The following GNPAT variants were observed in gnomAD, a reference collection of about 807,000 sequenced individuals.
GNPAT encodes glyceronephosphate O-acyltransferase, also known as dihydroxyacetone phosphate acyltransferase.
GNPAT carries 30 observed loss-of-function variants against 78.4 expected under a neutral mutation model. The ratio of observed to expected loss-of-function variants is 0.38; its 90% CI spans 0.29 to 0.52. The LOEUF (loss-of-function observed/expected upper bound fraction) is 0.52, where lower values mean the gene tolerates loss of function less well. GNPAT is among the 20% of genes least tolerant of loss of function. GNPAT has a pLI of 0.84. For synonymous variants in GNPAT, 271 were observed against 281.1 expected (o/e 0.96, Z 0.36); for missense variants, 714 against 812.2 (o/e 0.88, Z 1.47).
intron 2 of GNPAT, 134 bp from the exon 3 acceptor site, chr1:231,260,373 T>G: frequency 2.7e-6 from 2 of 727,588 alleles, no homozygotes; most frequent in Non-Finnish European, 4.9e-6. Context: ...TGGGAAGTTG[T>G]CAATTAAGAA....
chr1:231,259,529 C>G (rs1262331493), intron 2 of GNPAT, among the ~76,000 whole-genome samples: 2 of 151,956 alleles, frequency 1.3e-5, no homozygotes, highest in African/African-American at 4.8e-5. Context: ...TGCCTGTAAT[C>G]CCAGCTACTC....
chr1:231,257,987 C>T (rs929882946), intron 2 of GNPAT, among the ~76,000 whole-genome samples: 14 of 152,250 alleles, frequency 9.2e-5, no homozygotes, highest in Non-Finnish European at 1.3e-4. Context: ...TGTCATTACC[C>T]TTGTTTGGCT....
At position 231,272,293 on chromosome 1, in the gene GNPAT, A is replaced by G. The variant is rs1685590680; in HGVS notation, c.1523-19A>G. ...TTAAAGGGCAATGTTGTAATTTTAC[A>G]TGATGCATTTATTTCCAGAGGATGT... On this transcript the variant is annotated intron_variant, in intron 10 of 15. Coordinates refer to ENST00000366647, the MANE Select transcript of GNPAT (RefSeq NM_014236.4). 3 of 1,362,900 alleles carry G rather than the reference A, an allele frequency of 2.2e-6. No homozygotes were observed. Among genetic ancestry groups the G allele is most frequent in the Non-Finnish European group, 1.1e-6 (1 of 951,660 alleles). The allele number at this position is 1,362,900 out of a possible 1,614,324, so 84.4% of individuals were successfully genotyped here.
chr1:231,259,670 T>C (rs1685169083), intron 2 of GNPAT, among the ~76,000 whole-genome samples: 1 of 149,096 alleles, frequency 6.7e-6, no homozygotes, highest in Admixed American at 6.7e-5. Context: ...AAAAGGTTAA[T>C]TTTATAGTGT....
Position 231,262,748 on chromosome 1 carries a change from CTGT to C in GNPAT, c.469_471del (p.Val157del), listed in dbSNP as rs1558332498. ...CTACAAAGAGCCATCCAGGAGCATC[CTGT>C]TGTTCTGCTGCCTAGTCATCGAAGT... On this transcript the variant is annotated inframe_deletion, in exon 4 of 16. Transcript: ENST00000366647. 7 of 1,609,074 alleles carry C rather than the reference CTGT, an allele frequency of 4.4e-6. No homozygotes were observed. Among genetic ancestry groups the C allele is most frequent in the Non-Finnish European group, 5.1e-6 (6 of 1,175,438 alleles).
rs1685589042 is a variant in GNPAT at position 231,272,233 on chromosome 1, G to A, written c.1523-79G>A. ...AAAATATGCCTTTGAAATACATTTT[G>A]TGATAGTAAGGACTTCCTGGTACTC... On this transcript the variant is annotated intron_variant, in intron 10 of 15. Coordinates refer to ENST00000366647, the MANE Select transcript of GNPAT (RefSeq NM_014236.4). The A allele has an allele frequency of 5.2e-6, 4 of 769,994 alleles. No homozygotes were observed. In the East Asian group the frequency reaches 1.0e-4, roughly 20 times the overall value. The allele number at this position is 769,994 out of a possible 1,614,324, so 47.7% of individuals were successfully genotyped here.
At chr1:231,254,898 C>A (rs908669364) in intron 2 of GNPAT, among the ~76,000 whole-genome samples, 4 of 151,832 alleles carry the variant, frequency 2.6e-5, no homozygotes, top group African/African-American at 9.7e-5. Context: ...ATTACAGGCA[C>A]CCACCACTGC....
At chr1:231,260,189 C>T (rs149267926) in intron 2 of GNPAT, among the ~76,000 whole-genome samples, 7 of 152,276 alleles carry the variant, frequency 4.6e-5, no homozygotes, top group African/African-American at 1.4e-4. Context: ...TGCTAGGACA[C>T]TAGACCATGG....
intron 1 of GNPAT, among the ~76,000 whole-genome samples, chr1:231,249,437 T>C (rs1684833220): frequency 6.6e-6 from 1 of 152,246 alleles, no homozygotes; most frequent in South Asian, 2.1e-4. Context: ...TTTTCTTCTA[T>C]TACCTCAACA....
chr1:231,266,910 A>C (rs1571951329), intron 8 of GNPAT, among the ~76,000 whole-genome samples: 1 of 152,348 alleles, frequency 6.6e-6, no homozygotes, highest in South Asian at 2.1e-4. Flanking sequence ...AATTAGGAGA[A>C]ATATACCTGG....
intron 1 of GNPAT, among the ~76,000 whole-genome samples, chr1:231,246,561 G>A (rs760997870): frequency 2.0e-5 from 3 of 152,178 alleles, no homozygotes; most frequent in Admixed American, 6.5e-5. Flanking sequence ...AAGTAAGATG[G>A]GGGAGAGATA....
At position 231,267,717 on chromosome 1, in the gene GNPAT, T is replaced by G; in HGVS notation, c.1093T>G (p.Phe365Val). The G allele has an allele frequency of 6.2e-7, 1 of 1,610,312 alleles. No individual in the cohort carries two copies. The highest frequency in any genetic ancestry group is 8.5e-7 in the Non-Finnish European group (1 of 1,176,502). ...GAAACAGTCTGAGGACATGCATGCC[T>G]TTGTCACTGAAGTTGCCTACAAAAT... ...PQKQSEDMHA[F>V]VTEVAYKMEL... Residue 365 changes from phenylalanine (F) to valine (V), a missense_variant, in exon 9 of 16, where the codon TTT becomes GTT. Coordinates refer to ENST00000366647, the MANE Select transcript of GNPAT (RefSeq NM_014236.4).
intron 1 of GNPAT, among the ~76,000 whole-genome samples, chr1:231,242,316 G>C (rs969632524): frequency 6.6e-6 from 1 of 152,160 alleles, no homozygotes; most frequent in African/African-American, 2.4e-5. Context: ...GCATATCCTG[G>C]TGATTACTGT....
At position 231,251,056 on chromosome 1, in the gene GNPAT, T is replaced by A; in HGVS notation, c.174T>A (p.Leu58=). Residue 58 remains leucine, a synonymous_variant, in exon 2 of 16, where the codon CTT becomes CTA. Transcript: ENST00000366647. ...LKFAMKCYTP[L]VYKGITPCKP... is the part of the protein sequence containing the mutation. ...TTGCAATGAAATGCTACACACCTCT[T>A]GTCTATAAGGGAATTACTCCATGTA... 1 of 1,594,390 alleles carries A rather than the reference T, an allele frequency of 6.3e-7. No individual in the cohort carries two copies. Among genetic ancestry groups the A allele is most frequent in the East Asian group, 2.2e-5 (1 of 44,758 alleles).
intron 1 of GNPAT, among the ~76,000 whole-genome samples, chr1:231,243,359 C>G (rs1283767698): frequency 6.6e-6 from 1 of 152,166 alleles, no homozygotes; most frequent in Admixed American, 6.6e-5. Context: ...CAGCCTTGCT[C>G]TGTTGCCAGG....
At chr1:231,270,424 G>T (rs956323725) in intron 9 of GNPAT, among the ~76,000 whole-genome samples, 1 of 152,116 alleles carries the variant, frequency 6.6e-6, no homozygotes, top group African/African-American at 2.4e-5. Context: ...GTAACTTGCT[G>T]TTAGAAAACT....
At chr1:231,263,654 T>G (rs980777609) in intron 4 of GNPAT, among the ~76,000 whole-genome samples, 1 of 152,184 alleles carries the variant, frequency 6.6e-6, no homozygotes, top group South Asian at 2.1e-4. Context: ...TTTTTCATTT[T>G]TTGAGGAACC....
In GNPAT at chr1:231,273,933, A is replaced by C. The variant is rs776917898; in HGVS notation, c.1614A>C (p.Glu538Asp). 29 of 1,613,370 alleles carry C rather than the reference A, an allele frequency of 1.8e-5. No individual in the cohort carries two copies. The highest frequency in any genetic ancestry group is 2.4e-5 in the Non-Finnish European group (28 of 1,179,322). ...LPGNTLKDFEEGCYLLCKSEA... is the reference protein window; with the variant it reads ...LPGNTLKDFEDGCYLLCKSEA... Reference sequence around the variant, plus strand: ...CTCTTCCCTTCTAGGACTTTGAAGAAGGCTGTTACCTGCTTTGTAAAAGTG... The same window carrying C: ...CTCTTCCCTTCTAGGACTTTGAAGACGGCTGTTACCTGCTTTGTAAAAGTG... Residue 538 changes from glutamate (E) to aspartate (D), a missense_variant, in exon 12 of 16, where the codon GAA (glutamate) becomes GAC (aspartate). By Grantham distance (45) the Glu-to-Asp change is conservative. Transcript: ENST00000366647.
chr1:231,246,996 C>T (rs1221903772), intron 1 of GNPAT, among the ~76,000 whole-genome samples: 1 of 152,102 alleles, frequency 6.6e-6, no homozygotes, highest in Non-Finnish European at 1.5e-5. Context: ...GGTGAAACCT[C>T]GTCTCTACTA....
Sources: allele counts gnomAD v4.1 joint callset (sites outside exome capture counted in the v4.1 genomes callset), GRCh38; gene constraint gnomAD v4.1.1; transcripts MANE v1.5; gene names NCBI Gene and HGNC (gene_info 2026-07-23, HGNC 2026-07-21).